MED27: variants seen among roughly 807,000 people sequenced by gnomAD.
MED27 encodes mediator complex subunit 27.
In MED27, 30 loss-of-function variants were observed where a neutral mutation model predicts 38.2. That is an observed-to-expected ratio of 0.79 (90% confidence interval 0.59 to 1.07). The LOEUF is 1.07. MED27 is among the 50% of genes least tolerant of loss of function. The pLI is 0.00. For synonymous variants in MED27, 122 were observed against 153.5 expected (o/e 0.79, Z 1.52); for missense variants, 289 against 397.5 (o/e 0.73, Z 2.32).
intron 6 of MED27, among the ~76,000 whole-genome samples, chr9:131,870,951 C>T (rs560174734): frequency 1.3e-5 from 2 of 152,326 alleles, no homozygotes; most frequent in South Asian, 2.1e-4. Context: ...AAGGGGAAAT[C>T]GGGCAAATAC....
At chr9:131,873,560 A>T (rs978222103) in intron 6 of MED27, among the ~76,000 whole-genome samples, 1 of 152,202 alleles carries the variant, frequency 6.6e-6, no homozygotes, top group Non-Finnish European at 1.5e-5. Flanking sequence ...ATCGAAGCCC[A>T]CAGGGACTTG....
chr9:132,064,423 G>C (rs1457372648), intron 2 of MED27, among the ~76,000 whole-genome samples: 1 of 152,164 alleles, frequency 6.6e-6, no homozygotes, highest in Admixed American at 6.5e-5. Context: ...ATATCTCAAA[G>C]AACATGTAGA....
chr9:131,961,102 T>C (rs950383955), intron 3 of MED27, among the ~76,000 whole-genome samples: 5 of 152,208 alleles, frequency 3.3e-5, no homozygotes, highest in African/African-American at 9.7e-5. Context: ...TCTCTGCTGA[T>C]CTAAATGGGT....
chr9:131,937,990 A>C (rs1348079819), intron 4 of MED27, among the ~76,000 whole-genome samples: 2 of 152,206 alleles, frequency 1.3e-5, no homozygotes, highest in Middle Eastern at 3.2e-3. Context: ...TATGAAAAAA[A>C]CATCGCATTA....
intron 4 of MED27, among the ~76,000 whole-genome samples, chr9:131,933,492 T>C (rs926122406): frequency 1.3e-5 from 2 of 151,790 alleles, no homozygotes; most frequent in African/African-American, 2.4e-5. Context: ...AAAAAAGTAA[T>C]CCGATTTAAT....
intron 3 of MED27, among the ~76,000 whole-genome samples, chr9:131,959,335 A>G (rs1043847720): frequency 6.6e-6 from 1 of 152,234 alleles, no homozygotes; most frequent in African/African-American, 2.4e-5. Flanking sequence ...CTAAGTGGTC[A>G]GTTATATGAT....
At chr9:131,939,026 T>C (rs1830735048) in intron 4 of MED27, among the ~76,000 whole-genome samples, 1 of 152,232 alleles carries the variant, frequency 6.6e-6, no homozygotes, top group Admixed American at 6.5e-5. Context: ...GTGTTTTCTT[T>C]AGCAGGATCC....
At chr9:131,977,116 G>A (rs536232007) in intron 3 of MED27, among the ~76,000 whole-genome samples, 2 of 152,294 alleles carry the variant, frequency 1.3e-5, no homozygotes, top group South Asian at 2.1e-4. Flanking sequence ...TCAGCCACTC[G>A]TTATTCCAAT....
intron 4 of MED27, among the ~76,000 whole-genome samples, chr9:131,923,351 A>G (rs560714022): frequency 6.6e-6 from 1 of 152,336 alleles, no homozygotes; most frequent in Admixed American, 6.5e-5. Context: ...GCTCAAACCT[A>G]GAATACACAT....
In MED27 at chr9:131,860,470, C is replaced by T; in HGVS notation, c.*68G>A. On this transcript the variant is annotated 3_prime_UTR_variant, in exon 8 of 8. Coordinates refer to ENST00000292035, the MANE Select transcript of MED27 (RefSeq NM_004269.4). The surrounding 1 kb of genome is among the most constrained non-coding windows in gnomAD (Gnocchi z 5.8). Reference sequence around the variant, plus strand: ...CTGGGCAGTGAGGAACCAGCTGAGCCTTCTGTGGGCTTCCTGCGTGTCTGG... The same window carrying T: ...CTGGGCAGTGAGGAACCAGCTGAGCTTTCTGTGGGCTTCCTGCGTGTCTGG... 6.9e-7 allele frequency: 1 copy of T among 1,456,528 alleles called. No homozygotes were observed. Among genetic ancestry groups the T allele is most frequent in the Non-Finnish European group, 9.1e-7 (1 of 1,103,420 alleles). 90.2% of individuals were successfully genotyped at this position (1,456,528 alleles called of 1,614,324 possible). A position where few individuals can be genotyped will look rare whatever the true frequency, so the allele number is the denominator to read the frequency against.
chr9:131,961,130 G>C (rs1831206027), intron 3 of MED27, among the ~76,000 whole-genome samples: 2 of 152,194 alleles, frequency 1.3e-5, no homozygotes, highest in Admixed American at 6.5e-5. Flanking sequence ...CAAGGAGGCT[G>C]AGCTCTTGCT....
At chr9:131,878,308 A>G (rs1313205018) in intron 6 of MED27, among the ~76,000 whole-genome samples, 5 of 151,734 alleles carry the variant, frequency 3.3e-5, no homozygotes, top group Non-Finnish European at 7.4e-5. Context: ...TAAATAAATA[A>G]ATAAAATAAA....
intron 4 of MED27, among the ~76,000 whole-genome samples, chr9:131,915,236 G>C (rs943112508): frequency 1.3e-5 from 2 of 152,196 alleles, no homozygotes; most frequent in Admixed American, 1.3e-4. Context: ...AGCCAGTGAA[G>C]GGGGAGGTGA....
At chr9:132,076,816 T>G (rs1834058790) in intron 2 of MED27, among the ~76,000 whole-genome samples, 1 of 152,238 alleles carries the variant, frequency 6.6e-6, no homozygotes, top group Non-Finnish European at 1.5e-5. Flanking sequence ...GCCTAATTGT[T>G]TCTGTTATTT....
At chr9:131,908,266 C>G (rs1830114924) in intron 4 of MED27, among the ~76,000 whole-genome samples, 1 of 149,218 alleles carries the variant, frequency 6.7e-6, no homozygotes, top group African/African-American at 2.5e-5. Flanking sequence ...GGGGTCAGCC[C>G]CCCGCCCGGC....
chr9:131,979,912 G>C (rs1012491164), intron 3 of MED27, among the ~76,000 whole-genome samples: 1 of 151,898 alleles, frequency 6.6e-6, no homozygotes, highest in African/African-American at 2.4e-5. Context: ...TAGGCTACTT[G>C]GTTTGCCTAA....
intron 3 of MED27, 66 bp downstream of exon 3, chr9:132,014,271 C>G: frequency 6.7e-7 from 1 of 1,501,596 alleles, no homozygotes; most frequent in African/African-American, 1.4e-5. Flanking sequence ...TTCCACTACC[C>G]AAAAACAAGT....
chr9:132,078,809 C>T (rs916303922), intron 1 of MED27, among the ~76,000 whole-genome samples: 1 of 152,200 alleles, frequency 6.6e-6, no homozygotes, highest in Non-Finnish European at 1.5e-5. Context: ...AGGACTGACT[C>T]TCTTATAAAA....
chr9:131,965,402 G>A (rs1418778382), intron 3 of MED27, among the ~76,000 whole-genome samples: 2 of 152,234 alleles, frequency 1.3e-5, no homozygotes, highest in African/African-American at 4.8e-5. Context: ...CTATTAGAGT[G>A]TGGCTTAGTC....
Sources: gnomAD v4.1 joint callset for allele counts (sites outside exome capture counted in the v4.1 genomes callset) on GRCh38, gnomAD v4.1.1 for gene constraint, Gnocchi (gnomAD v3.1) non-coding constraint, MANE v1.5 for transcripts, NCBI Gene and HGNC (gene_info 2026-07-23, HGNC 2026-07-21) for gene names.